ZHX3: variants seen among roughly 807,000 people sequenced by gnomAD.
ZHX3 encodes zinc fingers and homeoboxes protein 3.
ZHX3 carries 20 observed loss-of-function variants against 64.5 expected under a neutral mutation model. The ratio of observed to expected loss-of-function variants is 0.31; its 90% CI spans 0.22 to 0.45. The LOEUF (loss-of-function observed/expected upper bound fraction) is 0.45, where lower values mean the gene tolerates loss of function less well. ZHX3 is among the 20% of genes least tolerant of loss of function. The pLI is 1.00. For missense variants in ZHX3, 1,041 were observed against 1,195.8 expected, an observed-to-expected ratio of 0.87 and a Z score of 1.91; for synonymous variants, 423 against 461.6, an observed-to-expected ratio of 0.92 and a Z score of 1.07.
chr20:41,262,046 C>T (rs1435175126), intron 2 of ZHX3, among the ~76,000 whole-genome samples: 1 of 152,164 alleles, frequency 6.6e-6, no homozygotes, highest in Non-Finnish European at 1.5e-5. Context: ...TGAGGCATGC[C>T]CTAATTCCCA....
At chr20:41,280,390 A>T (rs1343516094) in intron 1 of ZHX3, among the ~76,000 whole-genome samples, 1 of 152,238 alleles carries the variant, frequency 6.6e-6, no homozygotes, top group Non-Finnish European at 1.5e-5. Flanking sequence ...AATATTCTCC[A>T]GATAATTTAA....
At chr20:41,187,576 A>G (rs1244376381) in intron 3 of ZHX3, among the ~76,000 whole-genome samples, 1 of 152,148 alleles carries the variant, frequency 6.6e-6, no homozygotes, top group African/African-American at 2.4e-5. Flanking sequence ...TCAAAAATCA[A>G]TTGACCATTA....
chr20:41,292,289 G>A (rs1404786829), intron 1 of ZHX3, among the ~76,000 whole-genome samples: 1 of 152,126 alleles, frequency 6.6e-6, no homozygotes, highest in Admixed American at 6.5e-5. Flanking sequence ...AGAATTATCT[G>A]AACATATTAA....
intron 1 of ZHX3, among the ~76,000 whole-genome samples, chr20:41,281,559 T>G (rs906703107): frequency 2.0e-5 from 3 of 150,796 alleles, no homozygotes; most frequent in Non-Finnish European, 3.0e-5. Context: ...TAGCTGGGAG[T>G]AGGAAAGAGT....
rs150722152 is a variant in ZHX3 at position 41,295,994 on chromosome 20, T to A, written c.-245+21515A>T. Among the ~76,000 whole-genome samples, 588 of 152,286 alleles carry A rather than the reference T, an allele frequency of 3.9e-3. 1 individual carries two copies. Among genetic ancestry groups the A allele is most frequent in the African/African-American group, 0.014 (572 of 41,568 alleles). ...CAGTTGGTTGTCCTTTATAATGCTATTTAAGTTCATAAACAACCAAAAAGT... is the reference window on the plus strand; with the variant it reads ...CAGTTGGTTGTCCTTTATAATGCTAATTAAGTTCATAAACAACCAAAAAGT... On this transcript the variant is annotated intron_variant, in intron 1 of 3. Transcript: ENST00000683867.
chr20:41,251,941 T>C (rs2042013994), intron 2 of ZHX3, among the ~76,000 whole-genome samples: 1 of 152,208 alleles, frequency 6.6e-6, no homozygotes, highest in Admixed American at 6.5e-5. Flanking sequence ...CTCAATTATC[T>C]TCATTATTCT....
chr20:41,266,360 G>A (rs1023793892), intron 2 of ZHX3, among the ~76,000 whole-genome samples: 13 of 151,982 alleles, frequency 8.6e-5, no homozygotes, highest in Non-Finnish European at 1.5e-4. Flanking sequence ...GTTCGCCTTT[G>A]ACCTTCCCAT....
Position 41,183,558 on chromosome 20 carries a change from G to A in ZHX3, c.*1633C>T, listed in dbSNP as rs915591522. ...TGCCCTGCCAGGTCCAGTTCCCTGG[G>A]TAGGGGAGAAGGACGGTCCCTAAAA... is the stretch of plus-strand genomic sequence containing the variant. On this transcript the variant is annotated 3_prime_UTR_variant, in exon 4 of 4. Coordinates refer to ENST00000683867, the MANE Select transcript of ZHX3 (RefSeq NM_001384317.1). This position sits in a 1 kb window ranked among gnomAD's most constrained non-coding sequence, Gnocchi z 5.3. 9.2e-5 allele frequency: 14 copies of A among 152,306 alleles called. No individual in the cohort carries two copies. The highest frequency in any genetic ancestry group is 3.4e-4 in the African/African-American group (14 of 41,454). 9.4% of individuals were successfully genotyped at this position (152,306 alleles called of 1,614,324 possible).
At chr20:41,193,713 GTT>G (rs5841404) in intron 3 of ZHX3, among the ~76,000 whole-genome samples, 12 of 141,832 alleles carry the variant, frequency 8.5e-5, no homozygotes, top group African/African-American at 1.6e-4. Context: ...TGTTGTTTTT[GTT>G]TTTTTTTTTT....
At chr20:41,205,340 A>G (rs945571512) in intron 2 of ZHX3, among the ~76,000 whole-genome samples, 1 of 152,202 alleles carries the variant, frequency 6.6e-6, no homozygotes, top group Non-Finnish European at 1.5e-5. Flanking sequence ...TCCCTGCATT[A>G]AGTAATTCAG....
chr20:41,272,001 T>G (rs1279081358), intron 1 of ZHX3: 1 of 152,162 alleles, frequency 6.6e-6, no homozygotes, highest in Admixed American at 6.5e-5. Flanking sequence ...TAAATTTTCA[T>G]AAAACCAAAA....
chr20:41,282,171 C>G (rs148115855), intron 1 of ZHX3, among the ~76,000 whole-genome samples: 1,549 of 152,190 alleles, frequency 0.01, 13 homozygotes, highest in Non-Finnish European at 0.016. Flanking sequence ...ATTAAGTACC[C>G]TTTCAGTGCT....
At chr20:41,276,748 CA>C (rs902916755) in intron 1 of ZHX3, among the ~76,000 whole-genome samples, 5 of 152,194 alleles carry the variant, frequency 3.3e-5, no homozygotes, top group African/African-American at 1.2e-4. Flanking sequence ...GTGCTTGCTT[CA>C]CAAGCCCTGC....
chr20:41,266,844 CTT>C (rs11327834), intron 2 of ZHX3, among the ~76,000 whole-genome samples: 71 of 76,456 alleles, frequency 9.3e-4, no homozygotes, highest in South Asian at 1.7e-3. Flanking sequence ...CGTGCCCGGC[CTT>C]TTTTTTTTTT....
At chr20:41,246,169 C>T (rs1378553843) in intron 2 of ZHX3, among the ~76,000 whole-genome samples, 1 of 152,196 alleles carries the variant, frequency 6.6e-6, no homozygotes, top group Non-Finnish European at 1.5e-5. Context: ...ATCATTCATT[C>T]GTCCTGGGAC....
chr20:41,218,688 C>A (rs2039718762), intron 2 of ZHX3, among the ~76,000 whole-genome samples: 1 of 152,134 alleles, frequency 6.6e-6, no homozygotes, highest in African/African-American at 2.4e-5. Context: ...AGGACCTTGG[C>A]AGTCCAGTAA....
In ZHX3 at chr20:41,183,322, TC is replaced by T. The variant is rs1436848247; in HGVS notation, c.*1868del. The T allele has an allele frequency of 6.6e-6, 1 of 152,176 alleles. No homozygotes were observed. The highest frequency in any genetic ancestry group is 2.4e-5 in the African/African-American group (1 of 41,434). The allele number at this position is 152,176 out of a possible 1,614,324, so 9.4% of individuals were successfully genotyped here. ...GGTTTTTGAGACCAAACATCTTTAC[TC>T]CCCAAATTAAGAATACAAAAATAGG... On this transcript the variant is annotated 3_prime_UTR_variant, in exon 4 of 4. Transcript: ENST00000683867. This position sits in a 1 kb window ranked among gnomAD's most constrained non-coding sequence, Gnocchi z 5.3.
intron 3 of ZHX3, among the ~76,000 whole-genome samples, chr20:41,190,005 GTTTT>G (rs549779026): frequency 6.8e-6 from 1 of 147,672 alleles, no homozygotes; most frequent in Non-Finnish European, 1.5e-5. Context: ...TTTTCTGAGT[GTTTT>G]TTTTTTATCA....
chr20:41,223,759 G>C (rs1173704884), intron 2 of ZHX3, among the ~76,000 whole-genome samples: 1 of 152,182 alleles, frequency 6.6e-6, no homozygotes. Flanking sequence ...AAATACATAA[G>C]TGGAAAAAAT....
Sources: gnomAD v4.1 joint callset for allele counts (sites outside exome capture counted in the v4.1 genomes callset) on GRCh38, gnomAD v4.1.1 for gene constraint, Gnocchi (gnomAD v3.1) non-coding constraint, MANE v1.5 for transcripts, NCBI Gene and HGNC (gene_info 2026-07-23, HGNC 2026-07-21) for gene names.